Variants in ROBO3 observed in about 807,000 individuals in gnomAD.
The protein encoded by ROBO3 is roundabout guidance receptor 3.
A neutral mutation model predicts 160.5 loss-of-function variants in ROBO3; 97 were observed. The ratio of observed to expected loss-of-function variants is 0.60; its 90% confidence interval spans 0.51 to 0.72. ROBO3 has a LOEUF of 0.72. Among genes scored for constraint, ROBO3 ranks in the 30% least tolerant of loss-of-function variants. The pLI is 0.00. For synonymous variants in ROBO3, 780 were observed against 746.2 expected, an observed-to-expected ratio of 1.05 and a Z score of -0.74; for missense variants, 1,858 against 1,846.5, an observed-to-expected ratio of 1.01 and a Z score of -0.11.
chr11:124,877,852 C>A, intron 20 of ROBO3, 85 bp from the exon 21 acceptor site: 2 of 1,198,228 alleles, frequency 1.7e-6, no homozygotes, highest in Non-Finnish European at 2.4e-6. Flanking sequence ...AGAAGTTGAT[C>A]CCGTGGGATT....
Position 124,865,534 on chromosome 11 carries a change from G to T in ROBO3, c.-44G>T. On this transcript the variant is annotated 5_prime_UTR_variant, in exon 1 of 28. Transcript: ENST00000397801. The surrounding 1 kb of genome is among the most constrained non-coding windows in gnomAD (Gnocchi z 5.5). The stretch of plus-strand genomic sequence containing the variant: ...CAGCCCACGGGTCTCAGACCCAGGG[G>T]CTGGGCCCCCAGCCCCCAGTCCCGA... 2 of 1,595,260 alleles carry T rather than the reference G, an allele frequency of 1.3e-6. No homozygotes were observed. The highest frequency in any genetic ancestry group is 1.7e-6 in the Non-Finnish European group (2 of 1,172,744).
chr11:124,874,881 G>A lies in ROBO3; in HGVS notation c.2045G>A (p.Gly682Glu). ...CGCCTGCAGGAGCCCATAGTCCTGGGACCCCGGACCCTGCAGGTGTCCTGG... is the reference window on the plus strand; with the variant it reads ...CGCCTGCAGGAGCCCATAGTCCTGGAACCCCGGACCCTGCAGGTGTCCTGG... ...AVRLQEPIVL[G>E]PRTLQVSWTV... Residue 682 changes from glycine (G) to glutamate (E), a missense_variant, in exon 13 of 28, where the codon GGA becomes GAA. By Grantham distance (98) the Gly-to-Glu change is moderately conservative. Transcript: ENST00000397801. The A allele has an allele frequency of 1.2e-6, 2 of 1,602,676 alleles. No individual in the cohort carries two copies. Among genetic ancestry groups the A allele is most frequent in the South Asian group, 1.1e-5 (1 of 88,736 alleles).
Position 124,869,693 on chromosome 11 carries a change from C to A in ROBO3, c.645+86C>A. 2.1e-6 allele frequency: 3 copies of A among 1,404,652 alleles called. No homozygotes were observed. Among genetic ancestry groups the A allele is most frequent in the Admixed American group, 2.3e-5 (1 of 43,724 alleles). 87.0% of individuals were successfully genotyped at this position (1,404,652 alleles called of 1,614,324 possible). On this transcript the variant is annotated intron_variant, in intron 3 of 27. Coordinates refer to ENST00000397801, the MANE Select transcript of ROBO3 (RefSeq NM_022370.4). The surrounding 1 kb of genome is among the most constrained non-coding windows in gnomAD (Gnocchi z 4.2). ...ACAAGGCTGGAGATTGAGATCAGGG[C>A]ATTAGCTAACCAGAGACTAAGAGTC...
Position 124,875,323 on chromosome 11 carries a change from C to G in ROBO3, c.2286C>G (p.Ser762Arg), listed in dbSNP as rs780769124. 2.5e-6 allele frequency: 4 copies of G among 1,607,862 alleles called. No individual in the cohort carries two copies. Among genetic ancestry groups the G allele is most frequent in the Middle Eastern group, 1.8e-4 (1 of 5,696 alleles). The change falls in exon 14 of 28, where the codon AGC becomes AGG. Residue 762 changes from serine (S) to arginine (R), a missense_variant. Coordinates refer to ENST00000397801, the MANE Select transcript of ROBO3 (RefSeq NM_022370.4). ...LGAESLSVTR[S>R]IPEEAPSGPP... ...CTGAAAGCCTCTCTGTGACCAGGAG[C>G]ATTCCTGAGGAGGGTAAGGAGGGCC...
At position 124,881,237 on chromosome 11, in the gene ROBO3, A is replaced by G. The variant is rs1946575508; in HGVS notation, c.4150-2A>G. ...AAACAGCATCTCTCTCTCTCTCCCT[A>G]GGAACCAAGATGACCCTTGTTGGGG... On this transcript the variant is annotated splice_acceptor_variant, in intron 27 of 27. Transcript: ENST00000397801. LOFTEE classifies it high-confidence loss of function. 2 of 1,605,860 alleles carry G rather than the reference A, an allele frequency of 1.2e-6. No individual in the cohort carries two copies. The highest frequency in any genetic ancestry group is 1.7e-6 in the Non-Finnish European group (2 of 1,176,032).
chr11:124,879,949 G>A lies in ROBO3; in HGVS notation c.3958+1G>A, dbSNP rs1385600099. 5 of 1,570,958 alleles carry A rather than the reference G, an allele frequency of 3.2e-6. No homozygotes were observed. Among genetic ancestry groups the A allele is most frequent in the Non-Finnish European group, 1.7e-6 (2 of 1,158,300 alleles). The stretch of plus-strand genomic sequence containing the variant: ...GCCCAGCGGGTGCTCCACCCAGATG[G>A]TAAGCAGGGCCAGGGCAGGCAGGAG... On this transcript the variant is annotated splice_donor_variant, in intron 26 of 27. Coordinates refer to ENST00000397801, the MANE Select transcript of ROBO3 (RefSeq NM_022370.4). LOFTEE classifies it high-confidence loss of function.
rs1028652215 is a variant in ROBO3 at position 124,866,484 on chromosome 11, G to C, written c.160+747G>C. Among the ~76,000 whole-genome samples the C allele has an allele frequency of 3.3e-5, 5 of 152,356 alleles. No homozygotes were observed. In the East Asian group the frequency reaches 9.7e-4, roughly 29 times the overall value. ...CCTGCCTGCCGCATCGGGAACCCCCGCTTTACCGGGCGCTTTCGCGTGTGG... is the reference window on the plus strand; with the variant it reads ...CCTGCCTGCCGCATCGGGAACCCCCCCTTTACCGGGCGCTTTCGCGTGTGG... On this transcript the variant is annotated intron_variant, in intron 1 of 27. Transcript: ENST00000397801.
At chr11:124,875,856 C>A (rs1463864581) in intron 15 of ROBO3, 98 bp from the exon 16 acceptor site, 19 of 1,469,972 alleles carry the variant, frequency 1.3e-5, no homozygotes, top group Non-Finnish European at 1.8e-5. Flanking sequence ...GGTTGAATTA[C>A]ATCTGTATAA....
At position 124,873,295 on chromosome 11, in the gene ROBO3, T is replaced by C; in HGVS notation, c.1537-15T>C. The C allele has an allele frequency of 6.2e-7, 1 of 1,601,792 alleles. No individual in the cohort carries two copies. The highest frequency in any genetic ancestry group is 1.3e-5 in the African/African-American group (1 of 74,834). On this transcript the variant is annotated splice_polypyrimidine_tract_variant and intron_variant, in intron 9 of 27. Transcript: ENST00000397801. The surrounding 1 kb of genome is among the most constrained non-coding windows in gnomAD (Gnocchi z 4.5). ...CTCCACTCTCAGTTTGCCAGTGCTC[T>C]GCCCTCTCTTCCAGGAGATGGACAT...
chr11:124,873,349 T>C lies in ROBO3; in HGVS notation c.1576T>C (p.Ser526Pro). Residue 526 changes from serine (S) to proline (P), a missense_variant, in exon 10 of 28, where the codon TCC becomes CCC. Transcript: ENST00000397801. The surrounding 1 kb of genome is among the most constrained non-coding windows in gnomAD (Gnocchi z 4.5). ...CTTCTACAGCTGCGTGGCCAAGAGT[T>C]CCACAGGGGAAGCCACATGGAGCGG... ...MGFYSCVAKS[S>P]TGEATWSGWL... 1 of 1,612,444 alleles carries C rather than the reference T, an allele frequency of 6.2e-7. No homozygotes were observed. Among genetic ancestry groups the C allele is most frequent in the East Asian group, 2.2e-5 (1 of 44,852 alleles).
intron 12 of ROBO3, 40 bp from the exon 13 acceptor site, chr11:124,874,748 T>C: frequency 1.3e-6 from 2 of 1,582,034 alleles, no homozygotes; most frequent in Non-Finnish European, 1.7e-6. Flanking sequence ...TATCTCCCTG[T>C]CCCTGGTGGC....
At chr11:124,877,782 TG>T in intron 20 of ROBO3, 124 bp downstream of exon 20, 1 of 1,348,928 alleles carries the variant, frequency 7.4e-7, no homozygotes. Flanking sequence ...GGATGTGAGC[TG>T]GGGAAGCCTC....
At position 124,874,133 on chromosome 11, in the gene ROBO3, C is replaced by T; in HGVS notation, c.1848C>T (p.Val616=). 1.2e-6 allele frequency: 2 copies of T among 1,613,972 alleles called. No homozygotes were observed. Among genetic ancestry groups the T allele is most frequent in the Non-Finnish European group, 1.7e-6 (2 of 1,179,870 alleles). Residue 616 remains valine (V), a synonymous_variant, in exon 12 of 28, where the codon GTC becomes GTT. Transcript: ENST00000397801. ...GCGTGCAGCTGGAGACACACACAGT[C>T]AGCGGTCTGCAGCCCAATACCATCT... is the stretch of plus-strand genomic sequence containing the variant. The part of the protein sequence containing the change: ...ADGVQLETHT[V]SGLQPNTIYL...
rs1946288062 is a variant in ROBO3 at position 124,872,303 on chromosome 11, G to C, written c.1159-78G>C. On this transcript the variant is annotated intron_variant, in intron 7 of 27. Coordinates refer to ENST00000397801, the MANE Select transcript of ROBO3 (RefSeq NM_022370.4). This position sits in a 1 kb window ranked among gnomAD's most constrained non-coding sequence, Gnocchi z 4.3. ...GAATCATAGGAATTCTCTGAATTTTGAGATTGACAGGAATGGGGACCTCTC... is the reference window on the plus strand; with the variant it reads ...GAATCATAGGAATTCTCTGAATTTTCAGATTGACAGGAATGGGGACCTCTC... The C allele has an allele frequency of 3.8e-6, 5 of 1,304,732 alleles. No individual in the cohort carries two copies. The highest frequency in any genetic ancestry group is 4.4e-6 in the Non-Finnish European group (4 of 899,588). 80.8% of individuals were successfully genotyped at this position (1,304,732 alleles called of 1,614,324 possible).
chr11:124,873,928 C>A lies in ROBO3; in HGVS notation c.1784+66C>A. The A allele has an allele frequency of 6.3e-7, 1 of 1,598,274 alleles. No individual in the cohort carries two copies. Among genetic ancestry groups the A allele is most frequent in the Non-Finnish European group, 8.6e-7 (1 of 1,167,436 alleles). ...GGAGGGGATCCTATGCCCTTAGGGT[C>A]TTTGCTATTGTGAGGTGGGATTCTC... On this transcript the variant is annotated intron_variant, in intron 11 of 27. Transcript: ENST00000397801. This position sits in a 1 kb window ranked among gnomAD's most constrained non-coding sequence, Gnocchi z 4.5.
rs1946379174 is a variant in ROBO3 at position 124,876,487 on chromosome 11, G to A, written c.2779+27G>A. The A allele has an allele frequency of 5.2e-6, 7 of 1,358,860 alleles. No individual in the cohort carries two copies. Among genetic ancestry groups the A allele is most frequent in the Non-Finnish European group, 6.6e-6 (7 of 1,061,258 alleles). The allele number at this position is 1,358,860 out of a possible 1,614,324, so 84.2% of individuals were successfully genotyped here. ...TGAGCTCCCGGCCTCGGAGCGGACG[G>A]ATCCGGGAGGGAGCCAGGCGGCCCA... On this transcript the variant is annotated intron_variant, in intron 17 of 27. Transcript: ENST00000397801. The surrounding 1 kb of genome is among the most constrained non-coding windows in gnomAD (Gnocchi z 5.3).
rs34127060 is a variant in ROBO3, at chr11:124,869,429, G to GCCCC, written c.488-18_488-15dup. The GCCCC allele has an allele frequency of 3.5e-5, 45 of 1,301,808 alleles. No individual in the cohort carries two copies. The highest frequency in any genetic ancestry group is 1.7e-4 in the African/African-American group (10 of 58,772). 80.6% of individuals were successfully genotyped at this position (1,301,808 alleles called of 1,614,324 possible). ...TGTCACTCTACACCCTGCTTATTTCGCCCCCCACCGCCCCGCCCAGTCCTC... is the reference window on the plus strand; with the variant it reads ...TGTCACTCTACACCCTGCTTATTTCGCCCCCCCCCCACCGCCCCGCCCAGTCCTC... On this transcript the variant is annotated intron_variant, in intron 2 of 27. Coordinates refer to ENST00000397801, the MANE Select transcript of ROBO3 (RefSeq NM_022370.4). This position sits in a 1 kb window ranked among gnomAD's most constrained non-coding sequence, Gnocchi z 4.2.
chr11:124,874,597 G>A lies in ROBO3; in HGVS notation c.1952-191G>A, dbSNP rs917832689. On this transcript the variant is annotated intron_variant, in intron 12 of 27. Transcript: ENST00000397801. ...TGAGGAACTGAGGCCTTTAAAGGAT[G>A]CATGTGTAATTATGCTAGCTGGACA... Among the ~76,000 whole-genome samples, 5 of 152,344 alleles carry A rather than the reference G, an allele frequency of 3.3e-5. No individual in the cohort carries two copies. The South Asian group carries it at 6.2e-4, about 19-fold the overall frequency.
At position 124,878,366 on chromosome 11, in the gene ROBO3, G is replaced by A; in HGVS notation, c.3250G>A (p.Ala1084Thr). 1 of 1,613,968 alleles carries A rather than the reference G, an allele frequency of 6.2e-7. No homozygotes were observed. Among genetic ancestry groups the A allele is most frequent in the Non-Finnish European group, 8.5e-7 (1 of 1,179,872 alleles). The change falls in exon 22 of 28, where the codon GCC becomes ACC. Residue 1084 changes from alanine (A) to threonine (T), a missense_variant. By Grantham distance (58) the Ala-to-Thr change is moderately conservative. Transcript: ENST00000397801. This position sits in a 1 kb window ranked among gnomAD's most constrained non-coding sequence, Gnocchi z 4.3. ...VQMPSLNWPE[A>T]LPPPPPSCEL... ...GATGCCCTCTCTGAACTGGCCAGAA[G>A]CCCTGCCCCCACCTCCTCCTTCTTG...
Sources: gnomAD v4.1 joint callset for allele counts (sites outside exome capture counted in the v4.1 genomes callset) on GRCh38, gnomAD v4.1.1 for gene constraint, Gnocchi (gnomAD v3.1) non-coding constraint, MANE v1.5 for transcripts, NCBI Gene and HGNC (gene_info 2026-07-23, HGNC 2026-07-21) for gene names.